The following FOXP2 variants were observed in gnomAD, a reference collection of about 807,000 sequenced individuals.
The protein encoded by FOXP2 is forkhead box P2.
FOXP2 carries 12 observed loss-of-function variants against 115.8 expected under a neutral mutation model. The ratio of observed to expected loss-of-function variants is 0.10; its 90% CI spans 0.07 to 0.17. FOXP2 has a LOEUF of 0.17. FOXP2 is among the 10% of genes least tolerant of loss of function. The probability of loss-of-function intolerance (pLI) is 1.00; values close to 1 mark genes in which losing one functional copy is unlikely to be tolerated. For synonymous variants in FOXP2, 328 were observed against 297.7 expected (o/e 1.10, Z -1.05); for missense variants, 629 against 843.5 (o/e 0.75, Z 3.15).
intron 2 of FOXP2, among the ~76,000 whole-genome samples, chr7:114,436,058 A>T (rs1460876487): frequency 6.6e-6 from 1 of 152,208 alleles, no homozygotes; most frequent in African/African-American, 2.4e-5. Flanking sequence ...AATTTAAAAA[A>T]GCAAGGCTTG....
At chr7:114,114,089 AT>A (rs1247352208) in intron 1 of FOXP2, among the ~76,000 whole-genome samples, 1 of 151,924 alleles carries the variant, frequency 6.6e-6, no homozygotes, top group African/African-American at 2.4e-5. Flanking sequence ...GGAAAACATG[AT>A]TCAGTATAGA....
chr7:114,324,832 A>G (rs1325519863), intron 2 of FOXP2, among the ~76,000 whole-genome samples: 8 of 151,930 alleles, frequency 5.3e-5, no homozygotes, highest in Non-Finnish European at 1.0e-4. Flanking sequence ...TATAAAATTC[A>G]TGAGCAAAAA....
chr7:114,210,997 G>A (rs898738809), intron 1 of FOXP2, among the ~76,000 whole-genome samples: 1 of 152,124 alleles, frequency 6.6e-6, no homozygotes, highest in Admixed American at 6.5e-5. Flanking sequence ...AAGCCAGCAG[G>A]CTGGAGCGGC....
chr7:114,486,120 C>T (rs543380880), intron 2 of FOXP2, among the ~76,000 whole-genome samples: 2 of 152,202 alleles, frequency 1.3e-5, no homozygotes, highest in East Asian at 3.9e-4. Context: ...TATTAGTTCT[C>T]ACACTGCTAA....
At chr7:114,656,655 T>C in intron 10 of FOXP2, 1 of 216,504 alleles carries the variant, frequency 4.6e-6, no homozygotes, top group South Asian at 4.7e-5. Context: ...GAATAACAGT[T>C]TGTGGTTTAT....
chr7:114,501,441 T>G (rs753690521), intron 2 of FOXP2, among the ~76,000 whole-genome samples: 8 of 152,126 alleles, frequency 5.3e-5, no homozygotes, highest in Non-Finnish European at 8.8e-5. Flanking sequence ...AGCTGCTATT[T>G]GCCTTGAATA....
chr7:114,099,820 A>G (rs1799736802), intron 1 of FOXP2, among the ~76,000 whole-genome samples: 1 of 152,176 alleles, frequency 6.6e-6, no homozygotes, highest in African/African-American at 2.4e-5. Flanking sequence ...AAAGTCACAG[A>G]TACGTAGGAT....
chr7:114,181,922 TG>T (rs1793466841), intron 1 of FOXP2, among the ~76,000 whole-genome samples: 1 of 152,092 alleles, frequency 6.6e-6, no homozygotes, highest in South Asian at 2.1e-4. Context: ...AAGATGCCTC[TG>T]GTTCTCAAAA....
chr7:114,299,311 A>T (rs956195728), intron 2 of FOXP2, among the ~76,000 whole-genome samples: 2 of 151,998 alleles, frequency 1.3e-5, no homozygotes, highest in African/African-American at 4.8e-5. Context: ...TCATTCCAAC[A>T]TCCTTTCTTC....
intron 1 of FOXP2, among the ~76,000 whole-genome samples, chr7:114,227,427 G>A (rs1288853697): frequency 6.6e-6 from 1 of 151,922 alleles, no homozygotes; most frequent in Non-Finnish European, 1.5e-5. Flanking sequence ...AGTCCCTAAT[G>A]CATTTACTTT....
chr7:114,151,121 A>C (rs2129148846), intron 1 of FOXP2, among the ~76,000 whole-genome samples: 1 of 152,156 alleles, frequency 6.6e-6, no homozygotes, highest in African/African-American at 2.4e-5. Flanking sequence ...ACTAAACAAA[A>C]AGGGAAACGG....
At chr7:114,175,249 G>A (rs1680715528) in intron 1 of FOXP2, among the ~76,000 whole-genome samples, 2 of 152,070 alleles carry the variant, frequency 1.3e-5, no homozygotes, top group East Asian at 1.9e-4. Context: ...CTACTTACTC[G>A]TTAAGTCCAC....
At chr7:114,486,166 A>G (rs1796763453) in intron 2 of FOXP2, among the ~76,000 whole-genome samples, 1 of 152,158 alleles carries the variant, frequency 6.6e-6, no homozygotes, top group Non-Finnish European at 1.5e-5. Context: ...TTTATAAAGT[A>G]AAGGAGGTTT....
chr7:114,106,837 T>C (rs1791131120), intron 1 of FOXP2, among the ~76,000 whole-genome samples: 1 of 152,050 alleles, frequency 6.6e-6, no homozygotes, highest in Non-Finnish European at 1.5e-5. Context: ...GTCTCAGTTT[T>C]ATAGAATATT....
At chr7:114,330,486 A>G (rs911508351) in intron 2 of FOXP2, among the ~76,000 whole-genome samples, 2 of 149,122 alleles carry the variant, frequency 1.3e-5, no homozygotes, top group Non-Finnish European at 3.0e-5. Context: ...AAAAGTTTAT[A>G]TATATATATA....
intron 2 of FOXP2, among the ~76,000 whole-genome samples, chr7:114,494,781 A>G (rs1184168356): frequency 6.6e-6 from 1 of 152,162 alleles, no homozygotes; most frequent in Non-Finnish European, 1.5e-5. Flanking sequence ...TGAAATTTAT[A>G]TGAAAAAAAC....
chr7:114,387,657 T>G (rs1209871447), intron 2 of FOXP2, among the ~76,000 whole-genome samples: 1 of 152,110 alleles, frequency 6.6e-6, no homozygotes, highest in Non-Finnish European at 1.5e-5. Context: ...CAACTTTTGA[T>G]GGGAAGAACA....
At chr7:114,130,662 G>A (rs2129145179) in intron 1 of FOXP2, among the ~76,000 whole-genome samples, 1 of 152,244 alleles carries the variant, frequency 6.6e-6, no homozygotes, top group East Asian at 1.9e-4. Flanking sequence ...TTTAGTGTGT[G>A]AAGTAGGCAT....
chr7:114,665,245 C>A (rs964713294), intron 16 of FOXP2: 1 of 151,958 alleles, frequency 6.6e-6, no homozygotes, highest in Non-Finnish European at 1.5e-5. Context: ...TGGTAGAACT[C>A]AGAATTCAGA....
Sources: gnomAD v4.1 joint callset for allele counts (sites outside exome capture counted in the v4.1 genomes callset) on GRCh38, gnomAD v4.1.1 for gene constraint, MANE v1.5 for transcripts, NCBI Gene and HGNC (gene_info 2026-07-23, HGNC 2026-07-21) for gene names.